The following ZNF554 variants were observed in gnomAD, a reference collection of about 807,000 sequenced individuals.
ZNF554 encodes the protein zinc finger protein 554.
Under a neutral mutation model 21.2 loss-of-function variants are expected in ZNF554, and 15 were observed. That is an observed-to-expected ratio of 0.71 (90% CI 0.47 to 1.09). The LOEUF (loss-of-function observed/expected upper bound fraction) is 1.09, where lower values mean the gene tolerates loss of function less well. Ranked by LOEUF, ZNF554 falls within the 50% of genes least tolerant of loss-of-function variation. The pLI is 0.00. For missense variants in ZNF554, 691 were observed against 662.7 expected (o/e 1.04, Z -0.47); for synonymous variants, 258 against 251.4 (o/e 1.03, Z -0.25).
intron 1 of ZNF554, 38 bp downstream of exon 1, chr19:2,820,162 C>T (rs1053122054): frequency 1.2e-4 from 142 of 1,216,816 alleles, no homozygotes; most frequent in Non-Finnish European, 1.4e-4. Flanking sequence ...ACCTCCGTGC[C>T]GGGCCTGCCG....
rs918964633 is a variant in ZNF554, at chr19:2,820,069, C to G, written c.-3C>G. ...CCTGTCTGGCGCCTCAGCGCGCGCC[C>G]CGATGGTCACCTGCGCCCACCTGGG... On this transcript the variant is annotated 5_prime_UTR_variant, in exon 1 of 5. Transcript: ENST00000317243. 3.1e-4 allele frequency: 375 copies of G among 1,210,712 alleles called. 1 individual carries two copies. Among genetic ancestry groups the G allele is most frequent in the Non-Finnish European group, 3.6e-4 (348 of 974,280 alleles). The allele number at this position is 1,210,712 out of a possible 1,614,324, so 75.0% of individuals were successfully genotyped here.
Position 2,836,559 on chromosome 19 carries a change from C to T in ZNF554, c.*1707C>T, listed in dbSNP as rs1432737672. 6.6e-6 allele frequency among the ~76,000 whole-genome samples: 1 copy of T among 152,148 alleles called. No individual in the cohort carries two copies. The highest frequency in any genetic ancestry group is 1.9e-4 in the East Asian group (1 of 5,206). On this transcript the variant is annotated 3_prime_UTR_variant, in exon 5 of 5. Coordinates refer to ENST00000317243, the MANE Select transcript of ZNF554 (RefSeq NM_001102651.2). Reference sequence around the variant, plus strand: ...GTAATTTGATCCATTCACAAAAGGACAAAGGCTGGACAGAGACGTGAAGAA... The same window carrying T: ...GTAATTTGATCCATTCACAAAAGGATAAAGGCTGGACAGAGACGTGAAGAA...
chr19:2,820,683 C>CTTTTTTTTTTTTTTTTTTTTT lies in ZNF554; in HGVS notation c.53+559_53+560insTTTTTTTTTTTTTTTTTTTTT, dbSNP rs1568330714. On this transcript the variant is annotated intron_variant, in intron 1 of 4. Coordinates refer to ENST00000317243, the MANE Select transcript of ZNF554 (RefSeq NM_001102651.2). ...GTCCTGGTGATAAGACAGCAAGGGTCCTTTTTTTTTTTTTTTTGAGACGGA... is the reference window on the plus strand; with the variant it reads ...GTCCTGGTGATAAGACAGCAAGGGTCTTTTTTTTTTTTTTTTTTTTTCTTTTTTTTTTTTTTTTGAGACGGA... 6.2e-4 allele frequency among the ~76,000 whole-genome samples: 51 copies of CTTTTTTTTTTTTTTTTTTTTT among 81,852 alleles called. 2 individuals are homozygous for CTTTTTTTTTTTTTTTTTTTTT. The highest frequency in any genetic ancestry group is 3.0e-3 in the African/African-American group (49 of 16,508). The allele number at this position is 81,852 out of a possible 152,430, so 53.7% of individuals were successfully genotyped here.
intron 2 of ZNF554, among the ~76,000 whole-genome samples, chr19:2,823,874 A>G (rs1336869982): frequency 2.6e-5 from 4 of 152,080 alleles, no homozygotes; most frequent in Non-Finnish European, 4.4e-5. Context: ...GGGAGGGTCG[A>G]AAGAGGCACC....
At chr19:2,825,787 CAG>C (rs376418732) in intron 2 of ZNF554, among the ~76,000 whole-genome samples, 15 of 151,994 alleles carry the variant, frequency 9.9e-5, no homozygotes, top group South Asian at 8.3e-4. Context: ...AGGCATAAGA[CAG>C]GGGTGGACTG....
At chr19:2,820,818 C>G (rs2087253399) in intron 1 of ZNF554, among the ~76,000 whole-genome samples, 1 of 151,228 alleles carries the variant, frequency 6.6e-6, no homozygotes, top group South Asian at 2.1e-4. Context: ...GCGTATGCCA[C>G]CACGCCCGGC....
intron 1 of ZNF554, 93 bp downstream of exon 1, chr19:2,820,217 A>T: frequency 4.4e-6 from 5 of 1,140,260 alleles, no homozygotes; most frequent in Non-Finnish European, 5.5e-6. Context: ...TGGCCGGGGC[A>T]TGACCCTGTC....
rs915103641 is a variant in ZNF554, at chr19:2,819,889, C to A, written c.-183C>A. On this transcript the variant is annotated 5_prime_UTR_variant, in exon 1 of 5. Transcript: ENST00000317243. ...GCGCAGTGCCGAGTTTACCTCTGCG[C>A]GCGTCGGGGTTGGTGGCGGCGGCTG... The A allele has an allele frequency of 2.1e-5, 7 of 338,676 alleles. No individual in the cohort carries two copies. The highest frequency in any genetic ancestry group is 1.3e-4 in the African/African-American group (6 of 46,006). 21.0% of individuals were successfully genotyped at this position (338,676 alleles called of 1,614,324 possible). A position where few individuals can be genotyped will look rare whatever the true frequency, so the allele number is the denominator to read the frequency against.
intron 2 of ZNF554, among the ~76,000 whole-genome samples, chr19:2,824,867 C>T (rs1043571250): frequency 3.9e-5 from 6 of 152,158 alleles, no homozygotes; most frequent in South Asian, 2.1e-4. Flanking sequence ...GTCCCCCTCC[C>T]CAGCCCCTGG....
Position 2,832,326 on chromosome 19 carries a change from G to T in ZNF554, c.277G>T (p.Asp93Tyr). The part of the protein sequence containing the change: ...SLEALKNQCT[D>Y]VGIKEGPLSP... Reference sequence around the variant, plus strand: ...AGAAGCCTTGAAGAACCAATGTACTGATGTGGGGATTAAAGAGGGTCCACT... The same window carrying T: ...AGAAGCCTTGAAGAACCAATGTACTTATGTGGGGATTAAAGAGGGTCCACT... Residue 93 changes from aspartate to tyrosine, a missense_variant, in exon 4 of 5, where the codon GAT becomes TAT. By Grantham distance (160) the Asp-to-Tyr change is radical. Transcript: ENST00000317243. 1 of 1,609,706 alleles carries T rather than the reference G, an allele frequency of 6.2e-7. No individual in the cohort carries two copies. The highest frequency in any genetic ancestry group is 8.5e-7 in the Non-Finnish European group (1 of 1,178,414).
chr19:2,819,884 CTG>C lies in ZNF554; in HGVS notation c.-187_-186del, dbSNP rs1304047469. 7 of 334,190 alleles carry C rather than the reference CTG, an allele frequency of 2.1e-5. No individual in the cohort carries two copies. The highest frequency in any genetic ancestry group is 5.0e-5 in the Admixed American group (1 of 19,954). The allele number at this position is 334,190 out of a possible 1,614,324, so 20.7% of individuals were successfully genotyped here. ...CGCAGGCGCAGTGCCGAGTTTACCT[CTG>C]CGCGCGTCGGGGTTGGTGGCGGCGG... On this transcript the variant is annotated 5_prime_UTR_variant, in exon 1 of 5. Transcript: ENST00000317243.
In ZNF554 at chr19:2,827,624, T is replaced by C. The variant is rs372581378; in HGVS notation, c.134T>C (p.Val45Ala). Residue 45 changes from valine (V) to alanine (A), a missense_variant, in exon 3 of 5, where the codon GTA (valine) becomes GCA (alanine). By Grantham distance (64) the Val-to-Ala change is moderately conservative. Transcript: ENST00000317243. ...GYLPRWSQEL[V>A]TFEDVSMDFS... is the part of the protein sequence containing the mutation. ...ACTGCTGTGATATTCTAGGAATTAG[T>C]AACCTTTGAGGACGTGTCCATGGAC... The C allele has an allele frequency of 1.2e-6, 2 of 1,612,920 alleles. No individual in the cohort carries two copies. Among genetic ancestry groups the C allele is most frequent in the African/African-American group, 2.7e-5 (2 of 74,882 alleles).
Position 2,833,788 on chromosome 19 carries a change from G to T in ZNF554, c.553G>T (p.Gly185Ter). 1 of 1,610,174 alleles carries T rather than the reference G, an allele frequency of 6.2e-7. No individual in the cohort carries two copies. Among genetic ancestry groups the T allele is most frequent in the Non-Finnish European group, 8.5e-7 (1 of 1,178,466 alleles). Reference protein sequence around the residue: ...NMIKLIREDGGWKQLEDSHED... With the variant: ...NMIKLIREDG Reference sequence around the variant, plus strand: ...GATAAAGCTTATCAGAGAAGATGGGGGATGGAAGCAGTTAGAGGACAGCCA... The same window carrying T: ...GATAAAGCTTATCAGAGAAGATGGGTGATGGAAGCAGTTAGAGGACAGCCA... Residue 185 changes from glycine to a stop codon, truncating the protein, a stop_gained, in exon 5 of 5, where the codon GGA becomes TGA. Coordinates refer to ENST00000317243, the MANE Select transcript of ZNF554 (RefSeq NM_001102651.2). LOFTEE classifies it low-confidence loss of function (END_TRUNC).
In ZNF554 at chr19:2,834,678, G is replaced by T. The variant is rs1484509283; in HGVS notation, c.1443G>T (p.Arg481Ser). Residue 481 changes from arginine to serine, a missense_variant, in exon 5 of 5, where the codon AGG becomes AGT. Coordinates refer to ENST00000317243, the MANE Select transcript of ZNF554 (RefSeq NM_001102651.2). ...TCAGCCAGAGGTCTTCCCTTGTGAGGCACGAGAGAACTCACACTGGAGAGA... is the reference window on the plus strand; with the variant it reads ...TCAGCCAGAGGTCTTCCCTTGTGAGTCACGAGAGAACTCACACTGGAGAGA... ...RAFSQRSSLV[R>S]HERTHTGEKP... is the part of the protein sequence containing the mutation. The T allele has an allele frequency of 1.9e-6, 3 of 1,613,702 alleles. No homozygotes were observed. The South Asian group carries it at 3.3e-5, about 18-fold the overall frequency.
At chr19:2,832,021 G>A (rs1345629688) in intron 3 of ZNF554, 3 of 222,854 alleles carry the variant, frequency 1.3e-5, no homozygotes, top group African/African-American at 6.9e-5. Flanking sequence ...TGCCTCCTGG[G>A]TTCAAGTGAT....
intron 1 of ZNF554, 98 bp from the exon 2 acceptor site, chr19:2,822,942 G>GGCCC (rs1218858361): frequency 7.8e-7 from 1 of 1,282,360 alleles, no homozygotes; most frequent in East Asian, 2.3e-5. Flanking sequence ...GTGTATGGGG[G>GGCCC]GCCCCTTCAA....
At position 2,835,297 on chromosome 19, in the gene ZNF554, C is replaced by T. The variant is rs2087484708; in HGVS notation, c.*445C>T. 1 of 157,692 alleles carries T rather than the reference C, an allele frequency of 6.3e-6. No homozygotes were observed. Among genetic ancestry groups the T allele is most frequent in the Admixed American group, 6.0e-5 (1 of 16,678 alleles). The allele number at this position is 157,692 out of a possible 1,614,324, so 9.8% of individuals were successfully genotyped here. A position where few individuals can be genotyped will look rare whatever the true frequency, so the allele number is the denominator to read the frequency against. On this transcript the variant is annotated 3_prime_UTR_variant, in exon 5 of 5. Transcript: ENST00000317243. ...ACCATCCTGGCTAACACAGTGAAAC[C>T]CTGTCTCTACTAAAAATACAAAAAA...
chr19:2,824,358 G>A (rs919460027), intron 2 of ZNF554, among the ~76,000 whole-genome samples: 9 of 152,298 alleles, frequency 5.9e-5, no homozygotes, highest in African/African-American at 9.6e-5. Flanking sequence ...AGGGAGGCTC[G>A]AATCCACAGC....
intron 1 of ZNF554, 79 bp downstream of exon 1, chr19:2,820,203 C>T (rs2087244037): frequency 2.6e-6 from 3 of 1,175,542 alleles, no homozygotes. Context: ...CTGGCGGGGC[C>T]GGGTGGCCGG....
Sources: allele counts gnomAD v4.1 joint callset (sites outside exome capture counted in the v4.1 genomes callset), GRCh38; gene constraint gnomAD v4.1.1; transcripts MANE v1.5; gene names NCBI Gene and HGNC (gene_info 2026-07-23, HGNC 2026-07-21).